CEACAM16: variants seen among roughly 807,000 people sequenced by gnomAD.
CEACAM16 encodes the protein CEA cell adhesion molecule 16, tectorial membrane component.
In CEACAM16, 30 loss-of-function variants were observed where a neutral mutation model predicts 39.4. The ratio of observed to expected loss-of-function variants is 0.76; its 90% CI spans 0.57 to 1.03. The LOEUF (loss-of-function observed/expected upper bound fraction) is 1.03, where lower values mean the gene tolerates loss of function less well. CEACAM16 is among the 50% of genes least tolerant of loss of function. The pLI, the probability that CEACAM16 is intolerant of heterozygous loss-of-function variation, is 0.00. For synonymous variants in CEACAM16, 262 were observed against 264.9 expected (o/e 0.99, Z 0.11); for missense variants, 521 against 585.3 (o/e 0.89, Z 1.13).
At chr19:44,707,821 T>C (rs1312350060) in intron 5 of CEACAM16, 40 bp from the exon 6 acceptor site, 1 of 1,461,624 alleles carries the variant, frequency 6.8e-7, no homozygotes, top group Non-Finnish European at 9.1e-7. Context: ...CCATGCCAGA[T>C]GCAGACCAAA....
chr19:44,707,980 C>T lies in CEACAM16; in HGVS notation c.1060C>T (p.Pro354Ser), dbSNP rs770451807. Residue 354 changes from proline (P) to serine (S), a missense_variant, in exon 6 of 7, where the codon CCT becomes TCT. By Grantham distance (74) the Pro-to-Ser change is moderately conservative. Transcript: ENST00000587331. ...GCTGGTCTACGCCTGGTACCGCGGG[C>T]CTGCCTCCGAGCCCAACCGGCTGCT... ...DLLVYAWYRG[P>S]ASEPNRLLSQ... The T allele has an allele frequency of 5.6e-6, 9 of 1,605,068 alleles. No homozygotes were observed. The highest frequency in any genetic ancestry group is 1.7e-4 in the Middle Eastern group (1 of 5,866).
rs1974384408 is a variant in CEACAM16 at position 44,703,488 on chromosome 19, C to G, written c.177C>G (p.Leu59=). ...LAYSWYAGPT[L]SVSYLVASYI... Reference sequence around the variant, plus strand: ...ACAGCTGGTATGCGGGGCCCACACTCAGCGTGTCATACCTGGTGGCCAGCT... The same window carrying G: ...ACAGCTGGTATGCGGGGCCCACACTGAGCGTGTCATACCTGGTGGCCAGCT... The change falls in exon 3 of 7, where the codon CTC becomes CTG. Residue 59 remains leucine (L), a synonymous_variant. Transcript: ENST00000587331. 6.2e-7 allele frequency: 1 copy of G among 1,613,862 alleles called. No homozygotes were observed. The highest frequency in any genetic ancestry group is 1.3e-5 in the African/African-American group (1 of 75,056).
chr19:44,706,885 C>T (rs1472756265), intron 5 of CEACAM16, among the ~76,000 whole-genome samples: 1 of 152,240 alleles, frequency 6.6e-6, no homozygotes, highest in Non-Finnish European at 1.5e-5. Context: ...AGACGCCACC[C>T]TCCCTCCACC....
At position 44,704,063 on chromosome 19, in the gene CEACAM16, T is replaced by A. The variant is rs1364847534; in HGVS notation, c.428T>A (p.Val143Glu). 13 of 1,610,414 alleles carry A rather than the reference T, an allele frequency of 8.1e-6. No homozygotes were observed. Among genetic ancestry groups the A allele is most frequent in the Non-Finnish European group, 1.1e-5 (13 of 1,179,100 alleles). Residue 143 changes from valine to glutamate, a missense_variant, in exon 4 of 7, where the codon GTG becomes GAG. Coordinates refer to ENST00000587331, the MANE Select transcript of CEACAM16 (RefSeq NM_001039213.4). ...GTCTTGGCCAACAGCACAGCGCTGG[T>A]GGAACGTCGAGACACCCTGCGCCTT... ...PTVLANSTAL[V>E]ERRDTLRLMC...
rs752941421 is a variant in CEACAM16, at chr19:44,703,578, C to T, written c.267C>T (p.Pro89=). Residue 89 remains proline, a synonymous_variant, in exon 3 of 7, where the codon CCC becomes CCT. Transcript: ENST00000587331. ...ACACGGGGCGGGAGGCTGTGCGCCC[C>T]GATGGCAGCCTGGACATCCAGGGCA... ...PAHTGREAVR[P]DGSLDIQGIL... is the part of the protein sequence containing the mutation. 1.5e-4 allele frequency: 241 copies of T among 1,610,282 alleles called. No individual in the cohort carries two copies. The highest frequency in any genetic ancestry group is 1.9e-4 in the Non-Finnish European group (226 of 1,178,824).
At chr19:44,703,981 G>A (rs1256343321) in intron 3 of CEACAM16, 37 bp from the exon 4 acceptor site, 2 of 1,544,722 alleles carry the variant, frequency 1.3e-6, no homozygotes, top group South Asian at 1.2e-5. Flanking sequence ...AGCAGGTGGT[G>A]TCCGGCCCCC....
intron 4 of CEACAM16, 125 bp downstream of exon 4, chr19:44,704,421 G>T: frequency 8.0e-7 from 1 of 1,250,546 alleles, no homozygotes; most frequent in Non-Finnish European, 1.1e-6. Flanking sequence ...TTGGGGACCA[G>T]GGACCCCTCT....
In CEACAM16 at chr19:44,704,009, C is replaced by T. The variant is rs1261231634; in HGVS notation, c.383-9C>T. 3 of 1,582,354 alleles carry T rather than the reference C, an allele frequency of 1.9e-6. No individual in the cohort carries two copies. Among genetic ancestry groups the T allele is most frequent in the South Asian group, 2.3e-5 (2 of 88,028 alleles). On this transcript the variant is annotated splice_polypyrimidine_tract_variant and intron_variant, in intron 3 of 6. Coordinates refer to ENST00000587331, the MANE Select transcript of CEACAM16 (RefSeq NM_001039213.4). ...CGGCCCCCTCCCCCTCTGTCTCTTG[C>T]CCCCACAGAGATCCTGGCCCAGCCC...
chr19:44,704,137 G>A lies in CEACAM16; in HGVS notation c.502G>A (p.Gly168Ser), dbSNP rs770300041. 3 of 1,596,140 alleles carry A rather than the reference G, an allele frequency of 1.9e-6. No individual in the cohort carries two copies. Among genetic ancestry groups the A allele is most frequent in the Admixed American group, 1.7e-5 (1 of 57,982 alleles). The change falls in exon 4 of 7, where the codon GGT becomes AGT. Residue 168 changes from glycine (G) to serine (S), a missense_variant. By Grantham distance (56) the Gly-to-Ser change is moderately conservative. Coordinates refer to ENST00000587331, the MANE Select transcript of CEACAM16 (RefSeq NM_001039213.4). ...CGCCGAGGTCCGCTGGTTCTTCAAC[G>A]GTGGGGCCCTGCCCGTCGCTCTCCG... Reference protein sequence around the residue: ...PTAEVRWFFNGGALPVALRLG... With the variant: ...PTAEVRWFFNSGALPVALRLG...
chr19:44,701,555 A>AC lies in CEACAM16; in HGVS notation c.37+67dup. 1 of 1,483,908 alleles carries AC rather than the reference A, an allele frequency of 6.7e-7. No individual in the cohort carries two copies. The highest frequency in any genetic ancestry group is 9.2e-7 in the Non-Finnish European group (1 of 1,089,698). The allele number at this position is 1,483,908 out of a possible 1,614,324, so 91.9% of individuals were successfully genotyped here. A position where few individuals can be genotyped will look rare whatever the true frequency, so the allele number is the denominator to read the frequency against. Reference sequence around the variant, plus strand: ...CCGAGGACCCCAGGGAGGGGAGGGGACCCCCAGTCTGAGAGAGGGAAGGTG... The same window carrying AC: ...CCGAGGACCCCAGGGAGGGGAGGGGACCCCCCAGTCTGAGAGAGGGAAGGTG... On this transcript the variant is annotated intron_variant, in intron 2 of 6. Transcript: ENST00000587331. The surrounding 1 kb of genome is among the most constrained non-coding windows in gnomAD (Gnocchi z 4.0).
At chr19:44,706,853 G>A (rs1326161696) in intron 5 of CEACAM16, among the ~76,000 whole-genome samples, 1 of 152,220 alleles carries the variant, frequency 6.6e-6, no homozygotes, top group Non-Finnish European at 1.5e-5. Flanking sequence ...GGCAGGTGCT[G>A]GGAGAGACAC....
chr19:44,704,125 T>G lies in CEACAM16; in HGVS notation c.490T>G (p.Trp164Gly). 6.3e-7 allele frequency: 1 copy of G among 1,599,138 alleles called. No individual in the cohort carries two copies. Among genetic ancestry groups the G allele is most frequent in the Non-Finnish European group, 8.5e-7 (1 of 1,174,068 alleles). Residue 164 changes from tryptophan to glycine, a missense_variant, in exon 4 of 7, where the codon TGG becomes GGG. Physicochemically the swap from Trp to Gly is radical, Grantham distance 184. Coordinates refer to ENST00000587331, the MANE Select transcript of CEACAM16 (RefSeq NM_001039213.4). ...SSPSPTAEVR[W>G]FFNGGALPVA... ...CCCCAGCCCCACCGCCGAGGTCCGC[T>G]GGTTCTTCAACGGTGGGGCCCTGCC...
At chr19:44,702,683 G>A (rs1974367042) in intron 2 of CEACAM16, among the ~76,000 whole-genome samples, 4 of 152,270 alleles carry the variant, frequency 2.6e-5, no homozygotes, top group Admixed American at 6.5e-5. Context: ...GCTTGGAGAG[G>A]CAGAGGCAGA....
At position 44,701,368 on chromosome 19, in the gene CEACAM16, G is replaced by A. The variant is rs941374224; in HGVS notation, c.-89G>A. 9.4e-6 allele frequency: 13 copies of A among 1,387,180 alleles called. No homozygotes were observed. The highest frequency in any genetic ancestry group is 1.8e-4 in the Middle Eastern group (1 of 5,710). The allele number at this position is 1,387,180 out of a possible 1,614,324, so 85.9% of individuals were successfully genotyped here. A position where few individuals can be genotyped will look rare whatever the true frequency, so the allele number is the denominator to read the frequency against. The stretch of plus-strand genomic sequence containing the variant: ...ATCACCAAACCCTCCCAGGTCCTGC[G>A]GCAGACGGAGCCGAGCCCCAACCAG... On this transcript the variant is annotated 5_prime_UTR_variant, in exon 2 of 7. Transcript: ENST00000587331. This position sits in a 1 kb window ranked among gnomAD's most constrained non-coding sequence, Gnocchi z 4.0.
rs1555772261 is a variant in CEACAM16, at chr19:44,706,297, C to CAT, written c.940+430_940+431insTA. The stretch of plus-strand genomic sequence containing the variant: ...ACACACACACACACACACACACACA[C>CAT]ACACACACACACACAACTGAAGAAT... On this transcript the variant is annotated intron_variant, in intron 5 of 6. Coordinates refer to ENST00000587331, the MANE Select transcript of CEACAM16 (RefSeq NM_001039213.4). 8.7e-4 allele frequency among the ~76,000 whole-genome samples: 109 copies of CAT among 125,178 alleles called. 1 individual carries two copies. Among genetic ancestry groups the CAT allele is most frequent in the African/African-American group, 3.4e-3 (106 of 31,632 alleles). 82.1% of individuals were successfully genotyped at this position (125,178 alleles called of 152,430 possible).
Position 44,707,981 on chromosome 19 carries a change from C to T in CEACAM16, c.1061C>T (p.Pro354Leu). The change falls in exon 6 of 7, where the codon CCT becomes CTT. Residue 354 changes from proline to leucine, a missense_variant. By Grantham distance (98) the Pro-to-Leu change is moderately conservative. Coordinates refer to ENST00000587331, the MANE Select transcript of CEACAM16 (RefSeq NM_001039213.4). ...CTGGTCTACGCCTGGTACCGCGGGCCTGCCTCCGAGCCCAACCGGCTGCTC... is the reference window on the plus strand; with the variant it reads ...CTGGTCTACGCCTGGTACCGCGGGCTTGCCTCCGAGCCCAACCGGCTGCTC... Reference protein sequence around the residue: ...DLLVYAWYRGPASEPNRLLSQ... With the variant: ...DLLVYAWYRGLASEPNRLLSQ... 2 of 1,605,540 alleles carry T rather than the reference C, an allele frequency of 1.2e-6. No individual in the cohort carries two copies. The highest frequency in any genetic ancestry group is 1.3e-5 in the African/African-American group (1 of 74,892).
At position 44,705,920 on chromosome 19, in the gene CEACAM16, G is replaced by A. The variant is rs1974440280; in HGVS notation, c.940+52G>A. ...CCCAGTCCCCATGGAGGCCTCATCA[G>A]GCTGCGAAGGTTAAGCCACCATTTG... is the stretch of plus-strand genomic sequence containing the variant. On this transcript the variant is annotated intron_variant, in intron 5 of 6. Coordinates refer to ENST00000587331, the MANE Select transcript of CEACAM16 (RefSeq NM_001039213.4). 7.7e-6 allele frequency: 12 copies of A among 1,564,302 alleles called. No homozygotes were observed. In the South Asian group the frequency reaches 1.4e-4, roughly 18 times the overall value.
At chr19:44,707,759 T>G in intron 5 of CEACAM16, 102 bp from the exon 6 acceptor site, 1 of 1,023,742 alleles carries the variant, frequency 9.8e-7, no homozygotes. Context: ...GCACCCTACA[T>G]GGGGAGTGCC....
At position 44,707,856 on chromosome 19, in the gene CEACAM16, C is replaced by T; in HGVS notation, c.941-5C>T. ...ACTGACCCAGCCCGCTCGCTCTCTC[C>T]CCAGCTGCAGCAGTTGCCACGATGA... On this transcript the variant is annotated splice_region_variant and splice_polypyrimidine_tract_variant and intron_variant, in intron 5 of 6. Transcript: ENST00000587331. 1 of 1,532,936 alleles carries T rather than the reference C, an allele frequency of 6.5e-7. No individual in the cohort carries two copies. The highest frequency in any genetic ancestry group is 8.8e-7 in the Non-Finnish European group (1 of 1,132,604). The allele number at this position is 1,532,936 out of a possible 1,614,324, so 95.0% of individuals were successfully genotyped here.
Sources: allele counts gnomAD v4.1 joint callset (sites outside exome capture counted in the v4.1 genomes callset), GRCh38; gene constraint gnomAD v4.1.1; non-coding constraint Gnocchi (gnomAD v3.1); transcripts MANE v1.5; gene names NCBI Gene and HGNC (gene_info 2026-07-23, HGNC 2026-07-21).